Variants in RABGEF1 observed in about 807,000 individuals in gnomAD.
The protein encoded by RABGEF1 is RAB guanine nucleotide exchange factor 1, also known as rab5 GDP/GTP exchange factor.
Under a neutral mutation model 57.3 loss-of-function variants are expected in RABGEF1, and 26 were observed. That is an observed-to-expected ratio of 0.45 (90% CI 0.33 to 0.63). The LOEUF is 0.63. Ranked by LOEUF, RABGEF1 falls within the 20% of genes least tolerant of loss-of-function variation. The pLI is 0.02. For missense variants in RABGEF1, 464 were observed against 607.6 expected, an observed-to-expected ratio of 0.76 and a Z score of 2.48; for synonymous variants, 185 against 210.7, an observed-to-expected ratio of 0.88 and a Z score of 1.06.
chr7:66,806,926 G>A (rs1788567677), intron 8 of RABGEF1, among the ~76,000 whole-genome samples: 1 of 152,138 alleles, frequency 6.6e-6, no homozygotes, highest in African/African-American at 2.4e-5. Flanking sequence ...TTACAGGCAT[G>A]AGCCACCGCA....
At chr7:66,714,245 A>G (rs1795104330) in intron 2 of RABGEF1, among the ~76,000 whole-genome samples, 1 of 152,240 alleles carries the variant, frequency 6.6e-6, no homozygotes, top group South Asian at 2.1e-4. Flanking sequence ...TTTCGTTAAT[A>G]GTATGGGACT....
chr7:66,794,836 A>C (rs1813629453), intron 4 of RABGEF1, among the ~76,000 whole-genome samples: 1 of 152,252 alleles, frequency 6.6e-6, no homozygotes, highest in African/African-American at 2.4e-5. Flanking sequence ...GTGGTAGAGG[A>C]GAGTCGAAGA....
the RABGEF1 span, chr7:66,669,263 A>G: frequency 6.6e-6 from 1 of 152,484 alleles, no homozygotes; most frequent in Non-Finnish European, 1.5e-5. Flanking sequence ...AAACCTCGGC[A>G]AAGACAAAGG....
In RABGEF1 at chr7:66,744,200, C is replaced by T. The variant is rs553674159; in HGVS notation, c.-18+3408C>T. Among the ~76,000 whole-genome samples the T allele has an allele frequency of 2.6e-4, 40 of 151,810 alleles. No individual in the cohort carries two copies. The East Asian group carries it at 4.9e-3, about 18-fold the overall frequency. On this transcript the variant is annotated intron_variant, in intron 1 of 8. Transcript: ENST00000284957. ...GACCATAGATAGGCGCGCGCCACCACGCCCAGCTAATTACTGCTATCTTGT... is the reference window on the plus strand; with the variant it reads ...GACCATAGATAGGCGCGCGCCACCATGCCCAGCTAATTACTGCTATCTTGT...
At chr7:66,767,746 A>T (rs1182248237) in intron 1 of RABGEF1, among the ~76,000 whole-genome samples, 1 of 152,190 alleles carries the variant, frequency 6.6e-6, no homozygotes, top group African/African-American at 2.4e-5. Context: ...AGGTATCTTC[A>T]TTGAACCACC....
chr7:66,690,537 A>C (rs1461282865), intron 1 of RABGEF1, among the ~76,000 whole-genome samples: 1 of 150,762 alleles, frequency 6.6e-6, no homozygotes, highest in Non-Finnish European at 1.5e-5. Context: ...CAACATAGTG[A>C]AACCCCATCT....
At chr7:66,684,441 TCAAA>T (rs1462188800) in intron 1 of RABGEF1, among the ~76,000 whole-genome samples, 2 of 151,882 alleles carry the variant, frequency 1.3e-5, no homozygotes, top group Admixed American at 6.6e-5. Context: ...AGACTTCGTC[TCAAA>T]CAAAACAAAA....
intron 3 of RABGEF1, among the ~76,000 whole-genome samples, chr7:66,781,805 C>A (rs1344232241): frequency 2.6e-5 from 4 of 152,222 alleles, no homozygotes. Flanking sequence ...CAAATGCTAT[C>A]TGCTCAATTC....
the RABGEF1 span, among the ~76,000 whole-genome samples, chr7:66,673,326 A>G: frequency 1.6e-3 from 239 of 151,998 alleles, 1 homozygote; most frequent in South Asian, 0.011. Flanking sequence ...TTGGGCCTCA[A>G]TCTGGGGTCG....
chr7:66,722,744 A>G (rs1429732218), intron 2 of RABGEF1, among the ~76,000 whole-genome samples: 3 of 151,936 alleles, frequency 2.0e-5, no homozygotes, highest in African/African-American at 7.3e-5. Flanking sequence ...GAGTCTTCCA[A>G]TTTTTTTCTT....
At chr7:66,787,492 C>T (rs1302753951) in intron 4 of RABGEF1, among the ~76,000 whole-genome samples, 1 of 151,908 alleles carries the variant, frequency 6.6e-6, no homozygotes, top group Non-Finnish European at 1.5e-5. Context: ...TACAGGTGTG[C>T]ACCACCATGC....
intron 1 of RABGEF1, among the ~76,000 whole-genome samples, chr7:66,751,673 A>G (rs1384495536): frequency 6.6e-6 from 1 of 152,148 alleles, no homozygotes; most frequent in Non-Finnish European, 1.5e-5. Context: ...TTCAGCTGAT[A>G]GTCTGGGAGT....
chr7:66,721,603 G>GC (rs2117519767), intron 2 of RABGEF1, among the ~76,000 whole-genome samples: 1 of 152,066 alleles, frequency 6.6e-6, no homozygotes, highest in Admixed American at 6.6e-5. Flanking sequence ...TGACCCTCCT[G>GC]CCTCCCCCCT....
chr7:66,749,929 G>C (rs1056528348), intron 1 of RABGEF1, among the ~76,000 whole-genome samples: 1 of 152,046 alleles, frequency 6.6e-6, no homozygotes, highest in Non-Finnish European at 1.5e-5. Context: ...AGCCGAGATC[G>C]CACCACTGCA....
intron 1 of RABGEF1, among the ~76,000 whole-genome samples, chr7:66,766,566 C>G (rs985237504): frequency 6.6e-6 from 1 of 151,948 alleles, no homozygotes; most frequent in African/African-American, 2.4e-5. Context: ...AGGGCTTTAA[C>G]CTTGTAGAGG....
chr7:66,738,987 G>A (rs1470294089), upstream of RABGEF1, among the ~76,000 whole-genome samples: 1 of 151,946 alleles, frequency 6.6e-6, no homozygotes, highest in African/African-American at 2.4e-5. Context: ...AGTTTCACTC[G>A]TTGCCCAAGC....
intron 8 of RABGEF1, among the ~76,000 whole-genome samples, chr7:66,805,640 C>T (rs1338615647): frequency 1.3e-5 from 2 of 152,188 alleles, no homozygotes; most frequent in African/African-American, 2.4e-5. Context: ...GGCATCACTC[C>T]CCACGGTCCT....
chr7:66,739,295 T>C (rs1305416418), upstream of RABGEF1, among the ~76,000 whole-genome samples: 7 of 151,838 alleles, frequency 4.6e-5, no homozygotes, highest in African/African-American at 1.5e-4. Context: ...TAGCACACAT[T>C]AGGCACTTAG....
intron 1 of RABGEF1, among the ~76,000 whole-genome samples, chr7:66,741,876 G>A (rs1391005368): frequency 3.3e-5 from 5 of 151,856 alleles, no homozygotes; most frequent in African/African-American, 1.2e-4. Flanking sequence ...GGTGGCTCAC[G>A]TCTGTAATCC....
Sources: allele counts gnomAD v4.1 joint callset (sites outside exome capture counted in the v4.1 genomes callset), GRCh38; gene constraint gnomAD v4.1.1; transcripts MANE v1.5; gene names NCBI Gene and HGNC (gene_info 2026-07-23, HGNC 2026-07-21).